Variants in PIP4K2A observed in about 807,000 individuals in gnomAD.
The protein encoded by PIP4K2A is phosphatidylinositol 5-phosphate 4-kinase type-2 alpha.
In PIP4K2A, 14 loss-of-function variants were observed where a neutral mutation model predicts 42.9. The observed-to-expected ratio is 0.33, with a 90% CI of 0.22 to 0.51. The LOEUF is 0.51. Among genes scored for constraint, PIP4K2A ranks in the 20% least tolerant of loss-of-function variants. PIP4K2A has a pLI of 0.97. For synonymous variants in PIP4K2A, 192 were observed against 192.2 expected (o/e 1.00, Z 0.01); for missense variants, 434 against 519.8 (o/e 0.83, Z 1.61).
At chr10:22,623,075 G>C (rs1838364840) in intron 1 of PIP4K2A, among the ~76,000 whole-genome samples, 1 of 152,146 alleles carries the variant, frequency 6.6e-6, no homozygotes. Context: ...ATTATGTATA[G>C]CTGTGTAAAC....
intron 7 of PIP4K2A, among the ~76,000 whole-genome samples, chr10:22,543,065 G>C (rs1437646970): frequency 1.3e-5 from 2 of 152,202 alleles, no homozygotes; most frequent in Non-Finnish European, 2.9e-5. Flanking sequence ...CTCATGCAAA[G>C]GGCAAACAGA....
At chr10:22,537,869 T>C (rs985537095) in intron 9 of PIP4K2A, among the ~76,000 whole-genome samples, 2 of 152,160 alleles carry the variant, frequency 1.3e-5, no homozygotes, top group Non-Finnish European at 2.9e-5. Flanking sequence ...GGCACAACAC[T>C]GCTGGCTCCA....
chr10:22,582,320 G>A (rs1382915260), intron 4 of PIP4K2A, among the ~76,000 whole-genome samples: 2 of 152,028 alleles, frequency 1.3e-5, no homozygotes, highest in East Asian at 3.9e-4. Context: ...CACTCACCGA[G>A]AATAATAAGG....
At chr10:22,559,669 A>G (rs1836638097) in intron 6 of PIP4K2A, among the ~76,000 whole-genome samples, 1 of 152,176 alleles carries the variant, frequency 6.6e-6, no homozygotes, top group Non-Finnish European at 1.5e-5. Context: ...CCCATCAATC[A>G]TAGCAATCAC....
At chr10:22,604,009 G>GCACACACA (rs10571071) in intron 3 of PIP4K2A, among the ~76,000 whole-genome samples, 1 of 149,562 alleles carries the variant, frequency 6.7e-6, no homozygotes. Flanking sequence ...ACGCGCGCAC[G>GCACACACA]CACACACACA....
chr10:22,603,771 C>T (rs1015896899), intron 3 of PIP4K2A, among the ~76,000 whole-genome samples: 1 of 152,138 alleles, frequency 6.6e-6, no homozygotes, highest in Non-Finnish European at 1.5e-5. Flanking sequence ...AGACACAGGA[C>T]TGCGGCTATA....
intron 4 of PIP4K2A, among the ~76,000 whole-genome samples, chr10:22,588,637 A>AAATG (rs746828505): frequency 6.6e-6 from 1 of 152,230 alleles, no homozygotes. Flanking sequence ...ATACATGAAT[A>AAATG]AATGAATGAA....
Position 22,550,723 on chromosome 10 carries a change from T to C in PIP4K2A, c.728A>G (p.Gln243Arg). ...GTTGTTGTCATCAATATAAATCTTTTGGCCCTCATTAATGAAATCATTATC... is the reference window on the plus strand; with the variant it reads ...GTTGTTGTCATCAATATAAATCTTTCGGCCCTCATTAATGAAATCATTATC... Reference protein sequence around the residue: ...LKDNDFINEGQKIYIDDNNKK... With the variant: ...LKDNDFINEGRKIYIDDNNKK... The change falls in exon 7 of 10, where the codon CAA becomes CGA. Residue 243 changes from glutamine to arginine, a missense_variant. Coordinates refer to ENST00000376573, the MANE Select transcript of PIP4K2A (RefSeq NM_005028.5). 3 of 1,609,044 alleles carry C rather than the reference T, an allele frequency of 1.9e-6. No individual in the cohort carries two copies. Among genetic ancestry groups the C allele is most frequent in the East Asian group, 2.2e-5 (1 of 44,854 alleles).
At chr10:22,609,850 T>G in intron 1 of PIP4K2A, 133 bp from the exon 2 acceptor site, 1 of 582,688 alleles carries the variant, frequency 1.7e-6, no homozygotes, top group Non-Finnish European at 3.0e-6. Flanking sequence ...CCCACCCTCC[T>G]TCCCTCTGCC....
intron 7 of PIP4K2A, among the ~76,000 whole-genome samples, chr10:22,544,532 G>A (rs890605991): frequency 6.6e-6 from 1 of 152,174 alleles, no homozygotes; most frequent in African/African-American, 2.4e-5. Context: ...GCCAGGCCCT[G>A]CTCGGCTTGA....
At chr10:22,560,704 G>T (rs1444141520) in intron 6 of PIP4K2A, among the ~76,000 whole-genome samples, 1 of 152,230 alleles carries the variant, frequency 6.6e-6, no homozygotes, top group Non-Finnish European at 1.5e-5. Flanking sequence ...AAGGCTGTAT[G>T]TTAAAAGGGA....
intron 8 of PIP4K2A, among the ~76,000 whole-genome samples, chr10:22,540,418 GAAGA>G (rs1157246094): frequency 1.3e-5 from 2 of 151,484 alleles, no homozygotes; most frequent in African/African-American, 4.9e-5. Context: ...GCTTTGGTGT[GAAGA>G]AATATGCTAT....
At chr10:22,657,997 G>A (rs1330510960) in intron 1 of PIP4K2A, among the ~76,000 whole-genome samples, 7 of 152,114 alleles carry the variant, frequency 4.6e-5, no homozygotes, top group African/African-American at 1.7e-4. Flanking sequence ...TGAGATCACT[G>A]CTACAGAAAT....
intron 1 of PIP4K2A, among the ~76,000 whole-genome samples, chr10:22,690,899 A>C (rs1839854902): frequency 6.6e-6 from 1 of 152,224 alleles, no homozygotes; most frequent in Non-Finnish European, 1.5e-5. Flanking sequence ...GATTCAATAC[A>C]AACACAAGAG....
chr10:22,678,791 T>C (rs1383198481), intron 1 of PIP4K2A, among the ~76,000 whole-genome samples: 3 of 152,214 alleles, frequency 2.0e-5, no homozygotes, highest in East Asian at 3.8e-4. Flanking sequence ...GCAGTCTTAT[T>C]TGTGGCAAAA....
chr10:22,688,577 C>T (rs748125016), intron 1 of PIP4K2A, among the ~76,000 whole-genome samples: 10 of 152,126 alleles, frequency 6.6e-5, no homozygotes, highest in Admixed American at 1.3e-4. Context: ...CTCAGCCTCC[C>T]GAGTAGCTGA....
rs571371043 is a variant in PIP4K2A, at chr10:22,579,994, A to G, written c.493-6537T>C. Among the ~76,000 whole-genome samples the G allele has an allele frequency of 9.9e-5, 15 of 152,080 alleles. No homozygotes were observed. The East Asian group carries it at 2.9e-3, about 29-fold the overall frequency. On this transcript the variant is annotated intron_variant, in intron 4 of 9. Transcript: ENST00000376573. ...GAGATAAGGGAAACAAGACCTGCTC[A>G]TGACTCAAGCAGGGCCAAGATGCAG... is the stretch of plus-strand genomic sequence containing the variant.
chr10:22,671,167 T>C (rs184179487), intron 1 of PIP4K2A, among the ~76,000 whole-genome samples: 10 of 152,306 alleles, frequency 6.6e-5, no homozygotes, highest in Admixed American at 5.9e-4. Context: ...CCTTTACATA[T>C]ATTTATATAT....
At chr10:22,672,433 T>C (rs1320787498) in intron 1 of PIP4K2A, among the ~76,000 whole-genome samples, 1 of 152,242 alleles carries the variant, frequency 6.6e-6, no homozygotes, top group Non-Finnish European at 1.5e-5. Flanking sequence ...TTAATCTGGA[T>C]AACACGCCCA....
Sources: allele counts gnomAD v4.1 joint callset (sites outside exome capture counted in the v4.1 genomes callset), GRCh38; gene constraint gnomAD v4.1.1; transcripts MANE v1.5; gene names NCBI Gene and HGNC (gene_info 2026-07-23, HGNC 2026-07-21).